Variants in C1QTNF3 observed in about 807,000 individuals in gnomAD.
C1QTNF3 encodes C1q and TNF related 3, also known as complement C1q tumor necrosis factor-related protein 3.
In C1QTNF3, 26 loss-of-function variants were observed where a neutral mutation model predicts 32.6. The observed-to-expected ratio is 0.80, with a 90% CI of 0.58 to 1.11. The LOEUF (loss-of-function observed/expected upper bound fraction) is 1.11, where lower values mean the gene tolerates loss of function less well. Ranked by LOEUF, C1QTNF3 falls within the 50% of genes least tolerant of loss-of-function variation. C1QTNF3 has a pLI of 0.00. For missense variants in C1QTNF3, 362 were observed against 398.2 expected (o/e 0.91, Z 0.77); for synonymous variants, 155 against 146.0 (o/e 1.06, Z -0.44).
chr5:34,227,978 C>CTT, the C1QTNF3 span, among the ~76,000 whole-genome samples: 6 of 137,582 alleles, frequency 4.4e-5, no homozygotes, highest in African/African-American at 1.3e-4. Flanking sequence ...GGAGAAAATC[C>CTT]TTTTTTTTTT....
the C1QTNF3 span, among the ~76,000 whole-genome samples, chr5:34,144,867 T>C: frequency 1.3e-5 from 2 of 152,134 alleles, no homozygotes; most frequent in South Asian, 4.1e-4. Context: ...ACTAGGCTCA[T>C]GCCTGTAACC....
chr5:34,085,264 G>C, the C1QTNF3 span, among the ~76,000 whole-genome samples: 1 of 150,058 alleles, frequency 6.7e-6, no homozygotes, highest in Non-Finnish European at 1.5e-5. Flanking sequence ...CAACGTGCTG[G>C]GATTACAGGC....
chr5:34,045,590 A>G (rs1754972440), upstream of C1QTNF3, among the ~76,000 whole-genome samples: 1 of 152,186 alleles, frequency 6.6e-6, no homozygotes, highest in African/African-American at 2.4e-5. Context: ...AGATGAGGTG[A>G]TAGAAGCTTG....
At chr5:34,231,076 T>C in the C1QTNF3 span, among the ~76,000 whole-genome samples, 2 of 152,144 alleles carry the variant, frequency 1.3e-5, no homozygotes, top group African/African-American at 4.8e-5. Flanking sequence ...TGAAAAATCT[T>C]CCTCTCACTC....
At chr5:34,155,902 TATA>T in the C1QTNF3 span, among the ~76,000 whole-genome samples, 1 of 152,266 alleles carries the variant, frequency 6.6e-6, no homozygotes, top group Non-Finnish European at 1.5e-5. Context: ...CTTTTAAATA[TATA>T]ATAAAGTCAA....
At chr5:34,168,132 TAA>T in the C1QTNF3 span, 3 of 152,204 alleles carry the variant, frequency 2.0e-5, no homozygotes, top group South Asian at 4.1e-4. Flanking sequence ...TGAAATTCTG[TAA>T]ACAGTATTAA....
chr5:34,080,468 C>T, the C1QTNF3 span, among the ~76,000 whole-genome samples: 3 of 151,652 alleles, frequency 2.0e-5, no homozygotes, highest in Non-Finnish European at 2.9e-5. Flanking sequence ...CACACTGATC[C>T]AATATGTACC....
At chr5:34,031,052 A>ATGTT (rs1220399729) in intron 3 of C1QTNF3, among the ~76,000 whole-genome samples, 8 of 152,188 alleles carry the variant, frequency 5.3e-5, no homozygotes, top group Non-Finnish European at 8.8e-5. Flanking sequence ...TAACTATGTA[A>ATGTT]AAAACCTGCA....
At chr5:34,063,111 T>C in the C1QTNF3 span, among the ~76,000 whole-genome samples, 3 of 152,176 alleles carry the variant, frequency 2.0e-5, no homozygotes, top group South Asian at 2.1e-4. Flanking sequence ...TGGAGTGTTA[T>C]AGGGTCATGG....
the C1QTNF3 span, among the ~76,000 whole-genome samples, chr5:34,056,454 G>GTGCA: frequency 6.1e-5 from 3 of 48,966 alleles, no homozygotes; most frequent in African/African-American, 2.5e-4. Context: ...GTGTGTGTGT[G>GTGCA]TATATATATA....
the C1QTNF3 span, among the ~76,000 whole-genome samples, chr5:34,108,328 A>G: frequency 6.6e-6 from 1 of 152,114 alleles, no homozygotes; most frequent in Non-Finnish European, 1.5e-5. Flanking sequence ...AGACTATGAA[A>G]TGGCTTTGTT....
chr5:34,235,800 G>A, the C1QTNF3 span, among the ~76,000 whole-genome samples: 1 of 152,246 alleles, frequency 6.6e-6, no homozygotes, highest in South Asian at 2.1e-4. Context: ...TTTAGGTGCT[G>A]TTATAGCAGA....
the C1QTNF3 span, chr5:34,124,358 TAAG>T: frequency 2.3e-5 from 16 of 700,104 alleles, 1 homozygote; most frequent in African/African-American, 1.1e-4. Flanking sequence ...AGGTAACTTA[TAAG>T]AAGAGATATT....
At chr5:34,109,821 A>G in the C1QTNF3 span, among the ~76,000 whole-genome samples, 1 of 152,288 alleles carries the variant, frequency 6.6e-6, no homozygotes, top group African/African-American at 2.4e-5. Flanking sequence ...AACAATTGAT[A>G]CAGACTGTTT....
the C1QTNF3 span, among the ~76,000 whole-genome samples, chr5:34,155,985 C>T: frequency 9.2e-5 from 14 of 152,294 alleles, no homozygotes; most frequent in Admixed American, 5.9e-4. Flanking sequence ...TTTGAATTCA[C>T]GCACAAAGTC....
chr5:34,207,462 T>C, the C1QTNF3 span, among the ~76,000 whole-genome samples: 3 of 152,196 alleles, frequency 2.0e-5, no homozygotes, highest in African/African-American at 7.2e-5. Flanking sequence ...ATTTAAATTT[T>C]GTGGTTGTTC....
the C1QTNF3 span, among the ~76,000 whole-genome samples, chr5:34,136,511 A>G: frequency 3.2e-5 from 4 of 126,202 alleles, no homozygotes; most frequent in Admixed American, 1.6e-4. Context: ...CAGATGCTGG[A>G]AAGGATGTGG....
chr5:34,124,415 T>C, the C1QTNF3 span: 1 of 716,144 alleles, frequency 1.4e-6, no homozygotes, highest in Non-Finnish European at 2.6e-6. Flanking sequence ...AGCATAGTGA[T>C]ACCTGCTTCT....
chr5:34,091,573 C>A, the C1QTNF3 span, among the ~76,000 whole-genome samples: 1 of 152,246 alleles, frequency 6.6e-6, no homozygotes, highest in Admixed American at 6.5e-5. Context: ...TATTTCATGA[C>A]ATTTGTATGA....
Sources: gnomAD v4.1 joint callset for allele counts (sites outside exome capture counted in the v4.1 genomes callset) on GRCh38, gnomAD v4.1.1 for gene constraint, MANE v1.5 for transcripts, NCBI Gene and HGNC (gene_info 2026-07-23, HGNC 2026-07-21) for gene names.